RRP1: variants seen among roughly 807,000 people sequenced by gnomAD.
RRP1 encodes the protein ribosomal RNA processing protein 1 homolog A.
In RRP1, 37 loss-of-function variants were observed where a neutral mutation model predicts 54.6. That is an observed-to-expected ratio of 0.68 (90% CI 0.52 to 0.89). The LOEUF (loss-of-function observed/expected upper bound fraction) is 0.89. Ranked by LOEUF, RRP1 falls within the 40% of genes least tolerant of loss-of-function variation. The pLI, the probability that RRP1 is intolerant of heterozygous loss-of-function variation, is 0.00. For missense variants in RRP1, 639 were observed against 612.5 expected (o/e 1.04, Z -0.46); for synonymous variants, 262 against 244.3 (o/e 1.07, Z -0.67).
At chr21:43,797,393 C>T (rs183163274) in intron 5 of RRP1, 29 bp from the exon 6 acceptor site, 59 of 1,594,506 alleles carry the variant, frequency 3.7e-5, no homozygotes, top group Non-Finnish European at 4.9e-5. Flanking sequence ...ATCGAGGCTG[C>T]CTGTCATGTT....
chr21:43,789,937 G>A (rs905714841), intron 1 of RRP1, among the ~76,000 whole-genome samples, 175 bp downstream of exon 1: 16 of 147,406 alleles, frequency 1.1e-4, no homozygotes, highest in African/African-American at 4.2e-4. Flanking sequence ...GGCCCCCGCC[G>A]CCGCTTTCCC....
intron 12 of RRP1, among the ~76,000 whole-genome samples, chr21:43,802,664 G>C (rs2085106732): frequency 6.6e-6 from 1 of 152,154 alleles, no homozygotes; most frequent in South Asian, 2.1e-4. Context: ...TGGCTGGGCT[G>C]CCTCCTTCCG....
chr21:43,791,366 C>G lies in RRP1; in HGVS notation c.150C>G (p.Asp50Glu), dbSNP rs756221741. Reference sequence around the variant, plus strand: ...TTGATGCAGGTGGTTTTACGCACGACGAGCTGCTGAAGGTGTGGAAAGGAC... The same window carrying G: ...TTGATGCAGGTGGTTTTACGCACGAGGAGCTGCTGAAGGTGTGGAAAGGAC... ...TQRAAGGFTH[D>E]ELLKVWKGLF... The change falls in exon 2 of 13, where the codon GAC becomes GAG. Residue 50 changes from aspartate to glutamate, a missense_variant. By Grantham distance (45) the Asp-to-Glu change is conservative (BLOSUM62 2). Transcript: ENST00000497547. 1 of 1,613,920 alleles carries G rather than the reference C, an allele frequency of 6.2e-7. No individual in the cohort carries two copies.
chr21:43,793,348 A>T lies in RRP1; in HGVS notation c.304A>T (p.Thr102Ser). Residue 102 changes from threonine (T) to serine (S), a missense_variant, in exon 4 of 13, where the codon ACC (threonine) becomes TCC (serine). Coordinates refer to ENST00000497547, the MANE Select transcript of RRP1 (RefSeq NM_003683.6). ...CCTGTTCCTTCAGGCCTTCTGGCAGACCATGAATCGCGAGTGGACGGGCAT... is the reference window on the plus strand; with the variant it reads ...CCTGTTCCTTCAGGCCTTCTGGCAGTCCATGAATCGCGAGTGGACGGGCAT... The part of the protein sequence containing the change: ...QHLFLQAFWQ[T>S]MNREWTGIDR... 1 of 1,614,138 alleles carries T rather than the reference A, an allele frequency of 6.2e-7. No homozygotes were observed. The highest frequency in any genetic ancestry group is 8.5e-7 in the Non-Finnish European group (1 of 1,180,038).
intron 8 of RRP1, 74 bp downstream of exon 8, chr21:43,798,174 T>G: frequency 7.4e-7 from 1 of 1,345,670 alleles, no homozygotes; most frequent in Non-Finnish European, 1.0e-6. Context: ...CCTGCTGGGT[T>G]GCTCCTGCCA....
At chr21:43,801,409 A>G (rs910344991) in intron 11 of RRP1, among the ~76,000 whole-genome samples, 2 of 152,138 alleles carry the variant, frequency 1.3e-5, no homozygotes, top group Non-Finnish European at 2.9e-5. Context: ...AAGCTCCTCT[A>G]TCCCAGCATC....
At chr21:43,791,510 T>C in intron 2 of RRP1, 78 bp downstream of exon 2, 1 of 996,766 alleles carries the variant, frequency 1.0e-6, no homozygotes. Context: ...CCAGTTTTTC[T>C]TTTTTTTTTA....
At chr21:43,798,339 G>A (rs2085046002) in intron 8 of RRP1, among the ~76,000 whole-genome samples, 2 of 152,054 alleles carry the variant, frequency 1.3e-5, no homozygotes, top group East Asian at 1.9e-4. Context: ...TGGGCTCCTC[G>A]GTCTAACGCA....
At chr21:43,791,289 T>C (rs2084954725) in intron 1 of RRP1, 61 bp from the exon 2 acceptor site, 4 of 1,566,362 alleles carry the variant, frequency 2.6e-6, no homozygotes, top group Non-Finnish European at 3.5e-6. Context: ...TTCTGTGGCT[T>C]CCTTTCTGGC....
Position 43,789,608 on chromosome 21 carries a change from G to T in RRP1, c.-22G>T. 6.3e-7 allele frequency: 1 copy of T among 1,584,786 alleles called. No homozygotes were observed. The highest frequency in any genetic ancestry group is 2.4e-5 in the East Asian group (1 of 42,418). ...CTGGGTACCAGGCGACTCCGGGACA[G>T]GGGGTCTCGGCCGTCGGCGTCATGG... On this transcript the variant is annotated 5_prime_UTR_variant, in exon 1 of 13. It adds an upstream start codon to the 5' untranslated region. Transcript: ENST00000497547.
At chr21:43,793,894 C>G (rs993421315) in intron 4 of RRP1, among the ~76,000 whole-genome samples, 2 of 152,186 alleles carry the variant, frequency 1.3e-5, no homozygotes, top group African/African-American at 2.4e-5. Flanking sequence ...CAGGGGAACA[C>G]TGGGGTTTAG....
Position 43,795,243 on chromosome 21 carries a change from G to A in RRP1, c.415G>A (p.Glu139Lys). Residue 139 changes from glutamate to lysine, a missense_variant, in exon 5 of 13, where the codon GAA (glutamate) becomes AAA (lysine). Glu to Lys is a moderately conservative substitution (Grantham distance 56). Transcript: ENST00000497547. ...SLKVLKMQGW[E>K]ERQIEELLEL... ...GAAGGTTCTGAAGATGCAAGGCTGGGAAGAAAGGTGGGTGCGCGGCGGGCC... is the reference window on the plus strand; with the variant it reads ...GAAGGTTCTGAAGATGCAAGGCTGGAAAGAAAGGTGGGTGCGCGGCGGGCC... 6.2e-7 allele frequency: 1 copy of A among 1,614,142 alleles called. No individual in the cohort carries two copies. Among genetic ancestry groups the A allele is most frequent in the Non-Finnish European group, 8.5e-7 (1 of 1,180,014 alleles).
chr21:43,800,690 G>A (rs1252264150), intron 10 of RRP1, 76 bp downstream of exon 10: 6 of 1,533,780 alleles, frequency 3.9e-6, no homozygotes, highest in African/African-American at 1.4e-5. Flanking sequence ...GGGTGCCTTT[G>A]CCTTGTCCTG....
chr21:43,797,507 A>G lies in RRP1; in HGVS notation c.508A>G (p.Ile170Val). ...QAPNGVKSHFIEIFLEELTKV... is the reference protein window; with the variant it reads ...QAPNGVKSHFVEIFLEELTKV... ...CCCCAACGGTGTGAAGAGCCACTTC[A>G]TCGAGATCTTCCTGGAGGAGCTGAC... is the stretch of plus-strand genomic sequence containing the variant. The change falls in exon 6 of 13, where the codon ATC becomes GTC. Residue 170 changes from isoleucine (I) to valine (V), a missense_variant. By Grantham distance (29) the Ile-to-Val change is conservative. Transcript: ENST00000497547. 6.2e-7 allele frequency: 1 copy of G among 1,614,026 alleles called. No homozygotes were observed. The highest frequency in any genetic ancestry group is 8.5e-7 in the Non-Finnish European group (1 of 1,179,986).
Position 43,803,875 on chromosome 21 carries a change from A to G in RRP1, c.*101A>G. ...TCTGTAGACTCAGGACCGTGGCTCCAGAACTCCTGTGCCAGGCGGGAGGGA... is the reference window on the plus strand; with the variant it reads ...TCTGTAGACTCAGGACCGTGGCTCCGGAACTCCTGTGCCAGGCGGGAGGGA... On this transcript the variant is annotated 3_prime_UTR_variant, in exon 13 of 13. Transcript: ENST00000497547. 4 of 1,380,350 alleles carry G rather than the reference A, an allele frequency of 2.9e-6. No homozygotes were observed. Among genetic ancestry groups the G allele is most frequent in the Middle Eastern group, 2.7e-4 (1 of 3,758 alleles). The allele number at this position is 1,380,350 out of a possible 1,614,324, so 85.5% of individuals were successfully genotyped here. A position where few individuals can be genotyped will look rare whatever the true frequency, so the allele number is the denominator to read the frequency against.
rs762537309 is a variant in RRP1 at position 43,802,314 on chromosome 21, G to A, written c.1050G>A (p.Arg350=). 6.2e-7 allele frequency: 1 copy of A among 1,613,966 alleles called. No individual in the cohort carries two copies. The highest frequency in any genetic ancestry group is 8.5e-7 in the Non-Finnish European group (1 of 1,179,998). Residue 350 remains arginine (R), a synonymous_variant, in exon 12 of 13, where the codon AGG becomes AGA. Coordinates refer to ENST00000497547, the MANE Select transcript of RRP1 (RefSeq NM_003683.6). ...PEDEIPEKAC[R]RLLEGRRQKK... is the part of the protein sequence containing the mutation. ...ATGAGATCCCAGAGAAGGCCTGCAGGCGCCTGCTTGAAGGGAGGCGGCAGA... is the reference window on the plus strand; with the variant it reads ...ATGAGATCCCAGAGAAGGCCTGCAGACGCCTGCTTGAAGGGAGGCGGCAGA...
At chr21:43,801,526 G>A (rs1490626240) in intron 11 of RRP1, among the ~76,000 whole-genome samples, 3 of 152,162 alleles carry the variant, frequency 2.0e-5, no homozygotes, top group African/African-American at 4.8e-5. Context: ...CCAGGATGGC[G>A]TGCAGTGGTG....
chr21:43,791,360 G>T lies in RRP1; in HGVS notation c.144G>T (p.Thr48=). Residue 48 remains threonine (T), a synonymous_variant, in exon 2 of 13, where the codon ACG becomes ACT. Transcript: ENST00000497547. ...ARTQRAAGGF[T]HDELLKVWKG... ...GCTGTTTTGATGCAGGTGGTTTTAC[G>T]CACGACGAGCTGCTGAAGGTGTGGA... The T allele has an allele frequency of 1.2e-6, 2 of 1,613,948 alleles. No homozygotes were observed. The highest frequency in any genetic ancestry group is 8.5e-7 in the Non-Finnish European group (1 of 1,179,888).
intron 5 of RRP1, among the ~76,000 whole-genome samples, chr21:43,795,520 A>G (rs930409374): frequency 2.0e-5 from 3 of 152,208 alleles, no homozygotes; most frequent in Admixed American, 6.5e-5. Context: ...GGAGCTTCTT[A>G]TAAAAACACG....
Sources: allele counts gnomAD v4.1 joint callset (sites outside exome capture counted in the v4.1 genomes callset), GRCh38; gene constraint gnomAD v4.1.1; transcripts MANE v1.5; gene names NCBI Gene and HGNC (gene_info 2026-07-23, HGNC 2026-07-21).